Variants in PRELID2 observed in about 807,000 individuals in gnomAD.
PRELID2 encodes the protein PRELI domain containing 2, also known as PRELI domain-containing protein 2.
A neutral mutation model predicts 28.4 loss-of-function variants in PRELID2; 25 were observed. The ratio of observed to expected loss-of-function variants is 0.88; its 90% CI spans 0.64 to 1.23. PRELID2 has a LOEUF of 1.23. Ranked by LOEUF, PRELID2 falls within the 50% of genes most tolerant of loss-of-function variation. The pLI is 0.00. For missense variants in PRELID2, 201 were observed against 214.4 expected (o/e 0.94, Z 0.39); for synonymous variants, 76 against 71.6 (o/e 1.06, Z -0.31).
chr5:145,416,784 A>G, the PRELID2 span, among the ~76,000 whole-genome samples: 3 of 152,058 alleles, frequency 2.0e-5, no homozygotes, highest in Non-Finnish European at 4.4e-5. Context: ...ACAAGAAATA[A>G]CCAACAAAAG....
the PRELID2 span, among the ~76,000 whole-genome samples, chr5:145,296,518 A>G: frequency 6.6e-6 from 1 of 152,106 alleles, no homozygotes; most frequent in Admixed American, 6.6e-5. Context: ...AAAGGACATG[A>G]ACTCATCATT....
chr5:145,622,970 AT>A (rs1753791967), intron 1 of PRELID2, among the ~76,000 whole-genome samples: 1 of 151,980 alleles, frequency 6.6e-6, no homozygotes, highest in Non-Finnish European at 1.5e-5. Flanking sequence ...TTAAATCACA[AT>A]TTTTTAAAAA....
chr5:145,830,277 G>GT (rs1381419385), intron 1 of PRELID2, among the ~76,000 whole-genome samples: 1 of 152,186 alleles, frequency 6.6e-6, no homozygotes, highest in Non-Finnish European at 1.5e-5. Flanking sequence ...TAAAAAGAAA[G>GT]TCAACCTTCT....
chr5:145,828,889 A>G (rs2149886756), intron 1 of PRELID2, among the ~76,000 whole-genome samples: 1 of 122,490 alleles, frequency 8.2e-6, no homozygotes, highest in Admixed American at 1.1e-4. Context: ...TCCACGCTGG[A>G]GTGCAGTGAT....
At chr5:145,350,347 G>A in the PRELID2 span, among the ~76,000 whole-genome samples, 1 of 152,262 alleles carries the variant, frequency 6.6e-6, no homozygotes, top group East Asian at 1.9e-4. Context: ...GGGTCTTAAA[G>A]GATGAGTGGG....
chr5:145,257,434 G>A, the PRELID2 span, among the ~76,000 whole-genome samples: 3 of 151,484 alleles, frequency 2.0e-5, no homozygotes, highest in Non-Finnish European at 4.4e-5. Context: ...AATAATTTAT[G>A]CAAAAAGCAG....
chr5:145,345,014 T>A, the PRELID2 span, among the ~76,000 whole-genome samples: 10 of 152,122 alleles, frequency 6.6e-5, no homozygotes, highest in Non-Finnish European at 1.0e-4. Flanking sequence ...ATACAAAAAT[T>A]GTTTATTTTT....
chr5:145,298,917 T>C, the PRELID2 span, among the ~76,000 whole-genome samples: 452 of 152,274 alleles, frequency 3.0e-3, 2 homozygotes, highest in African/African-American at 0.01. Flanking sequence ...GTATTTTAAA[T>C]ATTTTATTTT....
chr5:145,699,942 A>C (rs1755369449), intron 1 of PRELID2, among the ~76,000 whole-genome samples: 1 of 152,134 alleles, frequency 6.6e-6, no homozygotes, highest in Non-Finnish European at 1.5e-5. Context: ...TGTAACACCA[A>C]GTTCAGAAAG....
At chr5:145,472,081 G>C (rs1250618123) in exon 3 of PRELID2, 1 of 152,406 alleles carries the variant, frequency 6.6e-6, no homozygotes, top group Non-Finnish European at 1.5e-5. Flanking sequence ...TATGCCAGAG[G>C]GTGAGGAGGG....
At chr5:145,708,408 G>C (rs906880461) in intron 1 of PRELID2, among the ~76,000 whole-genome samples, 2 of 151,928 alleles carry the variant, frequency 1.3e-5, no homozygotes, top group Admixed American at 1.3e-4. Context: ...AAATAAAATA[G>C]TTTATTGAGT....
At position 145,650,531 on chromosome 5, in the gene PRELID2, C is replaced by CATAT. The variant is rs56324486; in HGVS notation, n.70+114396_70+114399dup. ...GAGCATATCGAATCGCACATATATA[C>CATAT]ATATATATATATATATATATATATA... On this transcript the variant is annotated intron_variant and non_coding_transcript_variant, in intron 1 of 2. Transcript: ENST00000510259. 2.0e-3 allele frequency among the ~76,000 whole-genome samples: 135 copies of CATAT among 68,666 alleles called. 1 individual carries two copies. Among genetic ancestry groups the CATAT allele is most frequent in the Non-Finnish European group, 2.8e-3 (100 of 36,348 alleles). 45.0% of individuals were successfully genotyped at this position (68,666 alleles called of 152,430 possible).
the PRELID2 span, among the ~76,000 whole-genome samples, chr5:145,237,919 A>G: frequency 6.6e-6 from 1 of 152,202 alleles, no homozygotes; most frequent in African/African-American, 2.4e-5. Flanking sequence ...AGCTCTTCAC[A>G]TGGCTGAAAT....
chr5:145,835,096 C>G (rs1031429847), intron 1 of PRELID2, 81 bp downstream of exon 1: 41 of 983,384 alleles, frequency 4.2e-5, no homozygotes, highest in Admixed American at 4.4e-5. Flanking sequence ...GCGGTGCCAG[C>G]TTCCGCGTGG....
the PRELID2 span, among the ~76,000 whole-genome samples, chr5:145,459,718 C>T: frequency 6.6e-6 from 1 of 152,066 alleles, no homozygotes. Context: ...TCATGTCCCC[C>T]CAAAAATGCC....
At chr5:145,719,004 A>G (rs984348159) in intron 1 of PRELID2, among the ~76,000 whole-genome samples, 1 of 152,060 alleles carries the variant, frequency 6.6e-6, no homozygotes, top group Non-Finnish European at 1.5e-5. Flanking sequence ...TCAAATGTAA[A>G]GAGTTCTGCT....
chr5:145,706,576 A>G lies in PRELID2; in HGVS notation n.70+58355T>C, dbSNP rs558261488. Among the ~76,000 whole-genome samples, 13 of 152,274 alleles carry G rather than the reference A, an allele frequency of 8.5e-5. No homozygotes were observed. The South Asian group carries it at 2.7e-3, about 32-fold the overall frequency. ...AACTTCATAGGGGAAATACAATTCA[A>G]TGTCTATGGGTCACCTCCTGTGCAC... On this transcript the variant is annotated intron_variant and non_coding_transcript_variant, in intron 1 of 2. Coordinates refer to the PRELID2 transcript ENST00000510259.
At chr5:145,594,542 T>C (rs1753275339) in intron 1 of PRELID2, among the ~76,000 whole-genome samples, 2 of 152,204 alleles carry the variant, frequency 1.3e-5, no homozygotes, top group Non-Finnish European at 2.9e-5. Flanking sequence ...TGTTCATTGA[T>C]GTATGCATGA....
chr5:145,573,404 A>G (rs1220505060), intron 1 of PRELID2, among the ~76,000 whole-genome samples: 2 of 151,760 alleles, frequency 1.3e-5, no homozygotes, highest in Non-Finnish European at 2.9e-5. Flanking sequence ...ATAGGTATAC[A>G]TGTGCTATGG....
Sources: allele counts gnomAD v4.1 joint callset (sites outside exome capture counted in the v4.1 genomes callset), GRCh38; gene constraint gnomAD v4.1.1; transcripts MANE v1.5; gene names NCBI Gene and HGNC (gene_info 2026-07-23, HGNC 2026-07-21).